TSBP1: variants seen among roughly 807,000 people sequenced by gnomAD.
TSBP1 encodes testis expressed basic protein 1.
A neutral mutation model predicts 68.8 loss-of-function variants in TSBP1; 56 were observed. The ratio of observed to expected loss-of-function variants is 0.81; its 90% CI spans 0.66 to 1.02. The LOEUF (loss-of-function observed/expected upper bound fraction) is 1.02, where lower values mean the gene tolerates loss of function less well. TSBP1 is among the 50% of genes least tolerant of loss of function. The probability of loss-of-function intolerance (pLI) is 0.00; values close to 1 mark genes in which losing one functional copy is unlikely to be tolerated. For missense variants in TSBP1, 502 were observed against 641.2 expected (o/e 0.78, Z 2.34); for synonymous variants, 171 against 208.7 (o/e 0.82, Z 1.56).
At chr6:32,369,143 C>A (rs1774095591) in intron 2 of TSBP1, among the ~76,000 whole-genome samples, 1 of 152,076 alleles carries the variant, frequency 6.6e-6, no homozygotes, top group African/African-American at 2.4e-5. Flanking sequence ...CTTTTATGAG[C>A]TCCATCTCTA....
At position 32,302,237 on chromosome 6, in the gene TSBP1, G is replaced by A. The variant is rs928566220; in HGVS notation, c.601+372C>T. 9.9e-5 allele frequency among the ~76,000 whole-genome samples: 15 copies of A among 152,056 alleles called. No homozygotes were observed. The highest frequency in any genetic ancestry group is 3.6e-4 in the African/African-American group (15 of 41,392). On this transcript the variant is annotated intron_variant, in intron 20 of 22. Transcript: ENST00000612031. The surrounding 1 kb of genome is among the most constrained non-coding windows in gnomAD (Gnocchi z 5.1). ...GGAGGCTAAGGCAAGGGGATCGTTT[G>A]AGGCCAGGACTTTGAGACCAGCCTA...
chr6:32,355,642 T>A lies in TSBP1; in HGVS notation c.238+7A>T. Reference sequence around the variant, plus strand: ...AAATTTTTGTTAAGAAGCAAGATAATACTTACTGTAATCTCTTTTGGATCT... The same window carrying A: ...AAATTTTTGTTAAGAAGCAAGATAAAACTTACTGTAATCTCTTTTGGATCT... On this transcript the variant is annotated splice_region_variant and intron_variant, in intron 7 of 22. Coordinates refer to ENST00000612031, the Ensembl canonical transcript of TSBP1. 6.3e-7 allele frequency: 1 copy of A among 1,590,750 alleles called. No homozygotes were observed. The highest frequency in any genetic ancestry group is 8.5e-7 in the Non-Finnish European group (1 of 1,170,980).
chr6:32,303,551 T>C lies in TSBP1; in HGVS notation c.581-922A>G, dbSNP rs191957415. 3.9e-4 allele frequency among the ~76,000 whole-genome samples: 60 copies of C among 152,274 alleles called. No individual in the cohort carries two copies. In the East Asian group the frequency reaches 6.6e-3, roughly 17 times the overall value. Reference sequence around the variant, plus strand: ...ATATTTTTCATTCTTTTTACTTTTATTGTTAAATTTGAGGTGACTTTCTTG... The same window carrying C: ...ATATTTTTCATTCTTTTTACTTTTACTGTTAAATTTGAGGTGACTTTCTTG... On this transcript the variant is annotated intron_variant, in intron 19 of 22. Transcript: ENST00000612031.
At chr6:32,300,821 T>A in intron 20 of TSBP1, 121 bp from the exon 24 acceptor site, 1 of 821,716 alleles carries the variant, frequency 1.2e-6, no homozygotes, top group Non-Finnish European at 2.1e-6. Context: ...TATTTAAATG[T>A]GAAGAAACTT....
chr6:32,300,017 G>T, intron 21 of TSBP1, 81 bp from the exon 25 acceptor site: 1 of 1,150,300 alleles, frequency 8.7e-7, no homozygotes, highest in Non-Finnish European at 1.3e-6. Flanking sequence ...ATCCTTCCTA[G>T]GTGAACTTAG....
In TSBP1 at chr6:32,327,866, A is replaced by T. The variant is rs555202392; in HGVS notation, c.514+2723T>A. ...GAGTGCGGTGGCGTGATCTCGGCTT[A>T]CTGCAAGCTCTGGCTCCTGGGTTCA... On this transcript the variant is annotated intron_variant, in intron 16 of 22. Coordinates refer to ENST00000612031, the Ensembl canonical transcript of TSBP1. Among the ~76,000 whole-genome samples, 483 of 151,064 alleles carry T rather than the reference A, an allele frequency of 3.2e-3. 2 individuals are homozygous for T. The highest frequency in any genetic ancestry group is 5.5e-3 in the Admixed American group (84 of 15,150).
chr6:32,325,409 T>C lies in TSBP1; in HGVS notation c.515-1795A>G, dbSNP rs1279978248. 10 of 936,856 alleles carry C rather than the reference T, an allele frequency of 1.1e-5. No individual in the cohort carries two copies. Among genetic ancestry groups the C allele is most frequent in the African/African-American group, 1.6e-5 (1 of 61,084 alleles). The allele number at this position is 936,856 out of a possible 1,614,324, so 58.0% of individuals were successfully genotyped here. A position where few individuals can be genotyped will look rare whatever the true frequency, so the allele number is the denominator to read the frequency against. On this transcript the variant is annotated intron_variant, in intron 16 of 22. Coordinates refer to ENST00000612031, the Ensembl canonical transcript of TSBP1. This position sits in a 1 kb window ranked among gnomAD's most constrained non-coding sequence, Gnocchi z 4.4. ...GCTTTGGATTTTTCACATATGCCACTGTGGAGGAGGTGGATGCAGCCGTGA... is the reference window on the plus strand; with the variant it reads ...GCTTTGGATTTTTCACATATGCCACCGTGGAGGAGGTGGATGCAGCCGTGA...
chr6:32,358,934 ATACTT>A (rs1199945325), intron 6 of TSBP1, among the ~76,000 whole-genome samples: 1 of 130,736 alleles, frequency 7.6e-6, no homozygotes, highest in Non-Finnish European at 1.7e-5. Flanking sequence ...TATTATTATT[ATACTT>A]TAAGTTTTAG....
At chr6:32,332,724 C>T (rs1769190871) in intron 14 of TSBP1, among the ~76,000 whole-genome samples, 1 of 152,054 alleles carries the variant, frequency 6.6e-6, no homozygotes. Flanking sequence ...ATCCTCCCAC[C>T]TCAGCCTCTT....
At chr6:32,312,627 C>A (rs1766518215) in intron 19 of TSBP1, among the ~76,000 whole-genome samples, 1 of 152,196 alleles carries the variant, frequency 6.6e-6, no homozygotes, top group Non-Finnish European at 1.5e-5. Flanking sequence ...ACTGAACTCA[C>A]AATAGCATCC....
At chr6:32,371,209 C>T (rs2073044) in intron 1 of TSBP1, among the ~76,000 whole-genome samples, 31,900 of 151,884 alleles carry the variant, frequency 0.21, 3,597 homozygotes, top group Admixed American at 0.26. Flanking sequence ...AATAACTCAT[C>T]GGGGAGGAAA....
At chr6:32,324,615 C>T (rs539496157) in intron 16 of TSBP1, 11 of 1,549,230 alleles carry the variant, frequency 7.1e-6, no homozygotes. Flanking sequence ...CACTAGAGAC[C>T]GAGTCCTAAA....
rs1446314531 is a variant in TSBP1 at position 32,368,824 on chromosome 6, A to G, written c.101-10T>C. The G allele has an allele frequency of 6.3e-7, 1 of 1,587,754 alleles. No homozygotes were observed. The highest frequency in any genetic ancestry group is 8.6e-7 in the Non-Finnish European group (1 of 1,162,992). ...CTGGAGATATACATTTCTGTGGAAG[A>G]ATTAGGCAAAATGTTTTTATTAGTT... On this transcript the variant is annotated splice_polypyrimidine_tract_variant and intron_variant, in intron 2 of 22. Transcript: ENST00000612031.
intron 16 of TSBP1, chr6:32,324,378 CT>C (rs1428928424): frequency 1.7e-6 from 1 of 591,542 alleles, no homozygotes; most frequent in Non-Finnish European, 3.1e-6. Context: ...TGTTGATGGG[CT>C]TTGAAATTTT....
intron 9 of TSBP1, among the ~76,000 whole-genome samples, chr6:32,345,526 G>GTTTT (rs9281745): frequency 3.7e-4 from 55 of 147,888 alleles, no homozygotes; most frequent in South Asian, 1.3e-3. Flanking sequence ...TACTCTGCCT[G>GTTTT]TTTTTTTTTT....
chr6:32,323,072 G>A, intron 18 of TSBP1, 45 bp downstream of exon 19: 1 of 1,456,054 alleles, frequency 6.9e-7, no homozygotes, highest in Non-Finnish European at 9.5e-7. Context: ...GTGAAATGAA[G>A]GGGACCATAG....
At position 32,335,545 on chromosome 6, in the gene TSBP1, C is replaced by T; in HGVS notation, c.452-88G>A. The stretch of plus-strand genomic sequence containing the variant: ...ATATACTTTAATTTGTATACTTTCC[C>T]TAGTAGGAATCTGCATCACTATTGT... On this transcript the variant is annotated intron_variant, in intron 13 of 22. Transcript: ENST00000612031. The surrounding 1 kb of genome is among the most constrained non-coding windows in gnomAD (Gnocchi z 5.5). 9.9e-7 allele frequency: 1 copy of T among 1,006,430 alleles called. No individual in the cohort carries two copies. The highest frequency in any genetic ancestry group is 1.3e-6 in the Non-Finnish European group (1 of 767,868). The allele number at this position is 1,006,430 out of a possible 1,614,324, so 62.3% of individuals were successfully genotyped here.
At chr6:32,367,264 A>AG (rs199588532) in intron 4 of TSBP1, among the ~76,000 whole-genome samples, 18,374 of 149,042 alleles carry the variant, frequency 0.12, 1,401 homozygotes, top group Non-Finnish European at 0.16. Context: ...AGAGAGAGAG[A>AG]AAGAGAGAGA....
chr6:32,356,017 A>G (rs1772279278), intron 6 of TSBP1, among the ~76,000 whole-genome samples: 1 of 152,236 alleles, frequency 6.6e-6, no homozygotes, highest in African/African-American at 2.4e-5. Flanking sequence ...AATATGGCAA[A>G]TTATAATGAA....
Sources: gnomAD v4.1 joint callset for allele counts (sites outside exome capture counted in the v4.1 genomes callset) on GRCh38, gnomAD v4.1.1 for gene constraint, Gnocchi (gnomAD v3.1) non-coding constraint, MANE v1.5 for transcripts, NCBI Gene and HGNC (gene_info 2026-07-23, HGNC 2026-07-21) for gene names.